ZBTB7C: variants seen among roughly 807,000 people sequenced by gnomAD.
ZBTB7C encodes zinc finger and BTB domain-containing protein 7C.
A neutral mutation model predicts 25.7 loss-of-function variants in ZBTB7C; 8 were observed. The ratio of observed to expected loss-of-function variants is 0.31; its 90% CI spans 0.18 to 0.56. The LOEUF (loss-of-function observed/expected upper bound fraction) is 0.56. Among genes scored for constraint, ZBTB7C ranks in the 20% least tolerant of loss-of-function variants. The pLI, the probability that ZBTB7C is intolerant of heterozygous loss-of-function variation, is 0.91. For synonymous variants in ZBTB7C, 394 were observed against 369.0 expected (o/e 1.07, Z -0.78); for missense variants, 824 against 855.2 (o/e 0.96, Z 0.46).
chr18:48,342,473 G>A (rs886233160), intron 1 of ZBTB7C, among the ~76,000 whole-genome samples: 86 of 152,218 alleles, frequency 5.6e-4, no homozygotes, highest in Middle Eastern at 3.4e-3. Context: ...GACGGCCATC[G>A]TCCCCAGAAA....
At chr18:48,097,450 G>A (rs1309256661) in intron 3 of ZBTB7C, among the ~76,000 whole-genome samples, 5 of 151,870 alleles carry the variant, frequency 3.3e-5, no homozygotes, top group African/African-American at 1.2e-4. Context: ...AGGCTGGAGT[G>A]CGGTGGCGCG....
chr18:48,052,753 G>T (rs1021766096), intron 3 of ZBTB7C, among the ~76,000 whole-genome samples: 5 of 152,190 alleles, frequency 3.3e-5, no homozygotes, highest in Non-Finnish European at 7.3e-5. Context: ...TGACCTTGAA[G>T]CGGCCGGGTC....
chr18:48,239,791 T>C (rs1183054052), intron 2 of ZBTB7C, among the ~76,000 whole-genome samples: 1 of 152,122 alleles, frequency 6.6e-6, no homozygotes, highest in African/African-American at 2.4e-5. Context: ...ATTCTGGTAA[T>C]ATGACAAAAC....
chr18:48,136,924 AC>A, intron 3 of ZBTB7C: 2 of 918,154 alleles, frequency 2.2e-6, no homozygotes. Flanking sequence ...TTCCTCCCCC[AC>A]CCCCTCCCCA....
intron 3 of ZBTB7C, among the ~76,000 whole-genome samples, chr18:48,053,329 A>C (rs1233905931): frequency 6.6e-6 from 1 of 152,160 alleles, no homozygotes; most frequent in Admixed American, 6.5e-5. Context: ...GGACAGGAAC[A>C]CAACTCATTC....
At chr18:48,167,108 C>A (rs1309532708) in intron 3 of ZBTB7C, among the ~76,000 whole-genome samples, 1 of 152,194 alleles carries the variant, frequency 6.6e-6, no homozygotes, top group Non-Finnish European at 1.5e-5. Context: ...GTCCTGTGTC[C>A]GGTCCTTCCT....
intron 2 of ZBTB7C, among the ~76,000 whole-genome samples, chr18:48,250,537 T>C (rs570895646): frequency 6.6e-6 from 1 of 152,268 alleles, no homozygotes; most frequent in South Asian, 2.1e-4. Context: ...ACCTGATCTC[T>C]CTTTTGCTCC....
chr18:48,052,091 A>G (rs149068986), intron 3 of ZBTB7C, among the ~76,000 whole-genome samples: 221 of 152,318 alleles, frequency 1.5e-3, no homozygotes, highest in African/African-American at 5.2e-3. Context: ...TAGATAATAA[A>G]ATAAATCACT....
chr18:48,332,729 G>A (rs1468245438), intron 2 of ZBTB7C, among the ~76,000 whole-genome samples: 4 of 130,106 alleles, frequency 3.1e-5, no homozygotes, highest in African/African-American at 1.2e-4. Flanking sequence ...TACCAGGCAA[G>A]CCAGGGACCT....
In ZBTB7C at chr18:48,027,188, T is replaced by C. The variant is rs2035552694; in HGVS notation, c.*2072A>G. ...CCCATTTGCTTCAAGTTCTTGATCA[T>C]ACAGTACTCAACATCTTTGGATATT... On this transcript the variant is annotated 3_prime_UTR_variant, in exon 5 of 5. Transcript: ENST00000590800. 1.3e-5 allele frequency: 2 copies of C among 151,418 alleles called. No individual in the cohort carries two copies. The highest frequency in any genetic ancestry group is 2.4e-5 in the African/African-American group (1 of 41,144). The allele number at this position is 151,418 out of a possible 1,614,324, so 9.4% of individuals were successfully genotyped here.
intron 1 of ZBTB7C, among the ~76,000 whole-genome samples, chr18:48,345,194 T>C (rs1399953718): frequency 2.0e-5 from 3 of 152,116 alleles, no homozygotes; most frequent in African/African-American, 4.8e-5. Context: ...TTATTAAGGG[T>C]AAAAATAGGA....
intron 3 of ZBTB7C, among the ~76,000 whole-genome samples, chr18:48,077,562 A>G (rs1288566230): frequency 6.6e-6 from 1 of 152,212 alleles, no homozygotes; most frequent in East Asian, 1.9e-4. Flanking sequence ...CACTTGTTGA[A>G]TGAATGAACA....
At chr18:48,258,765 C>T (rs1197355573) in intron 2 of ZBTB7C, among the ~76,000 whole-genome samples, 2 of 152,150 alleles carry the variant, frequency 1.3e-5, no homozygotes, top group Admixed American at 6.5e-5. Flanking sequence ...TCAAACAATT[C>T]TCCCTGCCTC....
chr18:48,228,509 T>G (rs920281300), intron 2 of ZBTB7C, among the ~76,000 whole-genome samples: 1 of 151,998 alleles, frequency 6.6e-6, no homozygotes, highest in African/African-American at 2.4e-5. Context: ...CACCCCTGCA[T>G]CCTCCTCCCC....
chr18:48,390,658 T>C (rs1297431737), intron 1 of ZBTB7C, among the ~76,000 whole-genome samples: 1 of 152,202 alleles, frequency 6.6e-6, no homozygotes, highest in Non-Finnish European at 1.5e-5. Context: ...GCTTCACTTC[T>C]GAGCCTCCAC....
intron 2 of ZBTB7C, among the ~76,000 whole-genome samples, chr18:48,224,788 T>C (rs187090682): frequency 4.6e-5 from 7 of 152,282 alleles, no homozygotes; most frequent in Admixed American, 4.6e-4. Context: ...TACAAAACTA[T>C]ACATTTTGCA....
intron 2 of ZBTB7C, chr18:48,252,764 A>G (rs1317644468): frequency 1.3e-5 from 2 of 152,246 alleles, no homozygotes; most frequent in South Asian, 2.1e-4. Flanking sequence ...CACCAAGCCA[A>G]CCTGGCTTCC....
intron 4 of ZBTB7C, 30 bp from the exon 5 acceptor site, chr18:48,029,941 G>T (rs752451140): frequency 1.9e-6 from 3 of 1,607,520 alleles, no homozygotes; most frequent in East Asian, 4.5e-5. Context: ...GGTCAGTCCC[G>T]CAGGGAACAC....
At chr18:48,407,501 C>T (rs182911746) in intron 1 of ZBTB7C, among the ~76,000 whole-genome samples, 2 of 152,262 alleles carry the variant, frequency 1.3e-5, no homozygotes, top group Admixed American at 6.5e-5. Context: ...CCATGATGGG[C>T]TTGGGGTGTG....
Sources: gnomAD v4.1 joint callset for allele counts (sites outside exome capture counted in the v4.1 genomes callset) on GRCh38, gnomAD v4.1.1 for gene constraint, MANE v1.5 for transcripts, NCBI Gene and HGNC (gene_info 2026-07-23, HGNC 2026-07-21) for gene names.